The following LARGE1 variants were observed in gnomAD, a reference collection of about 807,000 sequenced individuals.
LARGE1 encodes the protein xylosyl- and glucuronyltransferase LARGE1.
A neutral mutation model predicts 87.6 loss-of-function variants in LARGE1; 43 were observed. The observed-to-expected ratio is 0.49, with a 90% confidence interval of 0.38 to 0.63. LARGE1 has a LOEUF of 0.63. LARGE1 is among the 30% of genes least tolerant of loss of function. The pLI is 0.00. For missense variants in LARGE1, 802 were observed against 1,000.2 expected (o/e 0.80, Z 2.67); for synonymous variants, 434 against 394.6 (o/e 1.10, Z -1.18).
chr22:33,409,808 C>A (rs939787554), intron 7 of LARGE1, among the ~76,000 whole-genome samples: 5 of 149,902 alleles, frequency 3.3e-5, no homozygotes, highest in African/African-American at 1.2e-4. Flanking sequence ...TTGCAGTGAG[C>A]CAAGATCATG....
At chr22:33,197,122 C>T (rs1429226462) in intron 11 of LARGE1, among the ~76,000 whole-genome samples, 1 of 151,848 alleles carries the variant, frequency 6.6e-6, no homozygotes, top group Non-Finnish European at 1.5e-5. Context: ...GGAAACAAAA[C>T]TCAGAAAAAT....
chr22:33,191,562 G>A (rs1351723588), intron 11 of LARGE1, among the ~76,000 whole-genome samples: 1 of 152,158 alleles, frequency 6.6e-6, no homozygotes, highest in African/African-American at 2.4e-5. Flanking sequence ...GAACTAAAAG[G>A]AGACCTCAGA....
intron 6 of LARGE1, among the ~76,000 whole-genome samples, chr22:33,534,584 G>A (rs1485271970): frequency 6.6e-6 from 1 of 152,188 alleles, no homozygotes; most frequent in Admixed American, 6.5e-5. Flanking sequence ...AATGGCGACT[G>A]CAAGTGTCAA....
chr22:33,513,574 G>T (rs1569228046), intron 6 of LARGE1, among the ~76,000 whole-genome samples: 1 of 152,162 alleles, frequency 6.6e-6, no homozygotes, highest in Non-Finnish European at 1.5e-5. Context: ...GAGGCAGCGA[G>T]ATGCAACTCT....
At chr22:33,787,334 G>A (rs779709615) in intron 1 of LARGE1, among the ~76,000 whole-genome samples, 15 of 152,248 alleles carry the variant, frequency 9.9e-5, no homozygotes, top group Middle Eastern at 3.4e-3. Flanking sequence ...ATAAGTGAGT[G>A]CACTGATCAG....
intron 1 of LARGE1, among the ~76,000 whole-genome samples, chr22:33,893,223 C>A (rs1816485539): frequency 6.6e-6 from 1 of 152,142 alleles, no homozygotes; most frequent in Non-Finnish European, 1.5e-5. Flanking sequence ...AGAAAGAAAA[C>A]ACCAGCTCCA....
chr22:33,617,231 C>T (rs1025415914), intron 4 of LARGE1, among the ~76,000 whole-genome samples: 8 of 152,210 alleles, frequency 5.3e-5, no homozygotes, highest in Admixed American at 1.3e-4. Flanking sequence ...TCAAGACTAA[C>T]GGCCATAAAG....
At chr22:33,614,819 C>T (rs555625562) in intron 4 of LARGE1, among the ~76,000 whole-genome samples, 6 of 149,838 alleles carry the variant, frequency 4.0e-5, no homozygotes, top group East Asian at 2.0e-4. Flanking sequence ...GATAGCGCTT[C>T]TCCAGCTTCA....
At chr22:33,843,193 C>T (rs1458072728) in intron 1 of LARGE1, among the ~76,000 whole-genome samples, 1 of 152,108 alleles carries the variant, frequency 6.6e-6, no homozygotes. Flanking sequence ...CCGCCCTGTG[C>T]GTGTGAACAT....
intron 11 of LARGE1, among the ~76,000 whole-genome samples, chr22:33,307,625 T>C (rs910818419): frequency 6.6e-6 from 1 of 152,144 alleles, no homozygotes; most frequent in African/African-American, 2.4e-5. Context: ...TCGGATATAC[T>C]ATACAGATAA....
At chr22:33,207,120 A>G (rs1296057451) in intron 11 of LARGE1, among the ~76,000 whole-genome samples, 4 of 142,776 alleles carry the variant, frequency 2.8e-5, no homozygotes, top group Middle Eastern at 8.0e-3. Context: ...AAATGAAAGC[A>G]TGGTTTTCCT....
chr22:33,418,621 G>A (rs1184446073), intron 7 of LARGE1, among the ~76,000 whole-genome samples: 5 of 152,180 alleles, frequency 3.3e-5, no homozygotes, highest in East Asian at 1.9e-4. Flanking sequence ...CCAGAGAGCT[G>A]CTAGCAGAAG....
At position 33,920,403 on chromosome 22, in the gene LARGE1, G is replaced by A. The variant is rs1308343718; in HGVS notation, c.-491C>T. 1 of 150,470 alleles carries A rather than the reference G, an allele frequency of 6.6e-6. No homozygotes were observed. Among genetic ancestry groups the A allele is most frequent in the Non-Finnish European group, 1.5e-5 (1 of 67,550 alleles). The allele number at this position is 150,470 out of a possible 1,614,324, so 9.3% of individuals were successfully genotyped here. A position where few individuals can be genotyped will look rare whatever the true frequency, so the allele number is the denominator to read the frequency against. ...GGCAGGGCCTGCCCGCGAACAGCCC[G>A]GCGAGACGAGCGCGGCCGCGCCCCC... is the stretch of plus-strand genomic sequence containing the variant. On this transcript the variant is annotated 5_prime_UTR_variant, in exon 1 of 15. Coordinates refer to ENST00000397394, the MANE Select transcript of LARGE1 (RefSeq NM_133642.5).
intron 1 of LARGE1, among the ~76,000 whole-genome samples, chr22:33,815,100 T>C (rs2086610800): frequency 6.6e-6 from 1 of 152,164 alleles, no homozygotes; most frequent in Admixed American, 6.5e-5. Flanking sequence ...CCACTGAATA[T>C]ATCTAGAAAA....
At chr22:33,620,881 T>C (rs1220889567) in intron 4 of LARGE1, among the ~76,000 whole-genome samples, 1 of 151,972 alleles carries the variant, frequency 6.6e-6, no homozygotes. Context: ...TGCATCAAGA[T>C]CAGGCCACTG....
intron 2 of LARGE1, among the ~76,000 whole-genome samples, chr22:33,713,807 T>G (rs1272526506): frequency 1.3e-5 from 2 of 151,882 alleles, no homozygotes; most frequent in Non-Finnish European, 2.9e-5. Context: ...AAATTTAATA[T>G]TAGCCAGCTA....
intron 2 of LARGE1, among the ~76,000 whole-genome samples, chr22:33,742,100 T>C (rs1454618421): frequency 6.6e-6 from 1 of 152,172 alleles, no homozygotes; most frequent in Non-Finnish European, 1.5e-5. Context: ...CAATACAGCC[T>C]GGTAAGCAAA....
intron 6 of LARGE1, among the ~76,000 whole-genome samples, chr22:33,507,481 T>C (rs984270056): frequency 2.0e-5 from 3 of 152,084 alleles, no homozygotes; most frequent in Non-Finnish European, 4.4e-5. Context: ...ACTCCACTTA[T>C]ATGGGATACC....
chr22:33,573,353 CACTTGA>C (rs1408844971), intron 5 of LARGE1, among the ~76,000 whole-genome samples: 1 of 152,026 alleles, frequency 6.6e-6, no homozygotes, highest in Non-Finnish European at 1.5e-5. Flanking sequence ...GCAGTAGAAC[CACTTGA>C]ACCCAGGAGG....
Sources: gnomAD v4.1 joint callset for allele counts (sites outside exome capture counted in the v4.1 genomes callset) on GRCh38, gnomAD v4.1.1 for gene constraint, MANE v1.5 for transcripts, NCBI Gene and HGNC (gene_info 2026-07-23, HGNC 2026-07-21) for gene names.